Variants in FRMD4A observed in about 807,000 individuals in gnomAD.
FRMD4A encodes the protein FERM domain containing 4A.
Under a neutral mutation model 129.1 loss-of-function variants are expected in FRMD4A, and 29 were observed. The observed-to-expected ratio is 0.22, with a 90% CI of 0.17 to 0.31. FRMD4A has a LOEUF of 0.31. Ranked by LOEUF, FRMD4A falls within the 10% of genes least tolerant of loss-of-function variation. The probability of loss-of-function intolerance (pLI) is 1.00; values close to 1 mark genes in which losing one functional copy is unlikely to be tolerated. For missense variants in FRMD4A, 1,272 were observed against 1,375.8 expected, an observed-to-expected ratio of 0.92 and a Z score of 1.19; for synonymous variants, 634 against 571.6, an observed-to-expected ratio of 1.11 and a Z score of -1.56.
rs1252394781 is a variant in FRMD4A at position 13,821,902 on chromosome 10, C to T, written c.112-10994G>A. Among the ~76,000 whole-genome samples, 1 of 152,210 alleles carries T rather than the reference C, an allele frequency of 6.6e-6. No individual in the cohort carries two copies. Among genetic ancestry groups the T allele is most frequent in the African/African-American group, 2.4e-5 (1 of 41,528 alleles). ...GTTACCAGCATAGGTGAGGTGGCCC[C>T]GAAGTGCCCGCCACACCTCCATCCT... On this transcript the variant is annotated intron_variant, in intron 3 of 24. Transcript: ENST00000357447. The surrounding 1 kb of genome is among the most constrained non-coding windows in gnomAD (Gnocchi z 4.3).
At chr10:14,159,052 C>T (rs10508473) in intron 2 of FRMD4A, among the ~76,000 whole-genome samples, 48,442 of 151,970 alleles carry the variant, frequency 0.32, 8,769 homozygotes, top group East Asian at 0.54. Flanking sequence ...TGGACTGCCA[C>T]TTAACGAGAC....
At position 14,123,255 on chromosome 10, in the gene FRMD4A, C is replaced by A. The variant is rs560710826; in HGVS notation, c.45+206803G>T. 1.1e-4 allele frequency among the ~76,000 whole-genome samples: 17 copies of A among 152,230 alleles called. No individual in the cohort carries two copies. The East Asian group carries it at 2.5e-3, about 22-fold the overall frequency. On this transcript the variant is annotated intron_variant, in intron 2 of 24. Coordinates refer to ENST00000357447, the MANE Select transcript of FRMD4A (RefSeq NM_018027.5). ...TATATTGAGAGGCCGCGAGTTTGAG[C>A]CACTCCTGTTAGTTCGAACCAGTCC...
At chr10:14,168,147 A>G (rs190461296) in intron 2 of FRMD4A, among the ~76,000 whole-genome samples, 14 of 152,322 alleles carry the variant, frequency 9.2e-5, no homozygotes, top group Middle Eastern at 3.4e-3. Context: ...TGAAAAACCT[A>G]GAAGTCCAGA....
intron 2 of FRMD4A, among the ~76,000 whole-genome samples, chr10:14,227,937 G>C (rs1236377263): frequency 6.6e-6 from 1 of 151,868 alleles, no homozygotes; most frequent in African/African-American, 2.4e-5. Flanking sequence ...GCAGTGGTGC[G>C]ATCTTGGCTC....
chr10:13,868,872 C>G, intron 2 of FRMD4A, among the ~76,000 whole-genome samples: 1 of 152,290 alleles, frequency 6.6e-6, no homozygotes, highest in South Asian at 2.1e-4. Context: ...GCAGCTTATA[C>G]ACCAGATGGA....
chr10:13,731,425 GA>G (rs2090315890), intron 12 of FRMD4A, among the ~76,000 whole-genome samples: 1 of 152,184 alleles, frequency 6.6e-6, no homozygotes, highest in Non-Finnish European at 1.5e-5. Flanking sequence ...AAGGTGGGGG[GA>G]TCCCCTGAGG....
intron 2 of FRMD4A, among the ~76,000 whole-genome samples, chr10:13,874,973 T>C (rs1027562277): frequency 1.3e-5 from 2 of 151,606 alleles, no homozygotes; most frequent in African/African-American, 2.4e-5. Context: ...TAAGATGCTA[T>C]GGGATGGGGA....
At chr10:13,924,925 G>A (rs777333991) in intron 2 of FRMD4A, among the ~76,000 whole-genome samples, 2 of 151,916 alleles carry the variant, frequency 1.3e-5, no homozygotes, top group Admixed American at 6.6e-5. Flanking sequence ...TTAGCTAGGC[G>A]TGGTGGCGGG....
chr10:14,185,442 A>G (rs1174620291), intron 2 of FRMD4A, among the ~76,000 whole-genome samples: 2 of 152,242 alleles, frequency 1.3e-5, no homozygotes, highest in African/African-American at 4.8e-5. Context: ...ACAGATGAGG[A>G]TGTCGTGGCA....
chr10:13,674,781 A>T lies in FRMD4A; in HGVS notation c.1251+130T>A, dbSNP rs776938864. Reference sequence around the variant, plus strand: ...CCAGATAGGCCCTCTTTTTATCACTACCCTTGCCTTCTGTCAAAACGATCA... The same window carrying T: ...CCAGATAGGCCCTCTTTTTATCACTTCCCTTGCCTTCTGTCAAAACGATCA... On this transcript the variant is annotated intron_variant, in intron 16 of 24. Coordinates refer to ENST00000357447, the MANE Select transcript of FRMD4A (RefSeq NM_018027.5). The T allele has an allele frequency of 7.0e-5, 72 of 1,024,844 alleles. 2 individuals are homozygous for T. In the Middle Eastern group the frequency reaches 4.9e-3, roughly 69 times the overall value. 63.5% of individuals were successfully genotyped at this position (1,024,844 alleles called of 1,614,324 possible).
intron 2 of FRMD4A, among the ~76,000 whole-genome samples, chr10:14,174,621 T>C (rs12254929): frequency 0.01 from 1,597 of 152,284 alleles, 26 homozygotes; most frequent in African/African-American, 0.037. Flanking sequence ...TGGATCTAGT[T>C]GACACCATTA....
At chr10:14,007,771 C>T (rs2095667285) in intron 2 of FRMD4A, among the ~76,000 whole-genome samples, 1 of 152,170 alleles carries the variant, frequency 6.6e-6, no homozygotes, top group South Asian at 2.1e-4. Flanking sequence ...TCAAATCTTT[C>T]AAACCCATTC....
intron 2 of FRMD4A, among the ~76,000 whole-genome samples, chr10:14,062,796 G>A (rs140942064): frequency 6.6e-6 from 1 of 152,294 alleles, no homozygotes; most frequent in East Asian, 1.9e-4. Flanking sequence ...AGGCACAGTG[G>A]CTCACGTGTG....
rs368183664 is a variant in FRMD4A at position 14,137,600 on chromosome 10, T to C, written c.45+192458A>G. 2.6e-5 allele frequency among the ~76,000 whole-genome samples: 4 copies of C among 152,182 alleles called. No individual in the cohort carries two copies. The East Asian group carries it at 7.7e-4, about 29-fold the overall frequency. ...AGAAGGTAGAGAGGCATGATGAAAA[T>C]TCATGCTACGTAGCCCAGGAAAACC... is the stretch of plus-strand genomic sequence containing the variant. On this transcript the variant is annotated intron_variant, in intron 2 of 24. Transcript: ENST00000357447.
intron 15 of FRMD4A, among the ~76,000 whole-genome samples, chr10:13,679,460 A>AATATATATAT (rs1564591075): frequency 3.6e-4 from 10 of 27,516 alleles, no homozygotes; most frequent in African/African-American, 1.9e-3. Context: ...AAAAAAAAAA[A>AATATATATAT]ATATATATAT....
intron 2 of FRMD4A, among the ~76,000 whole-genome samples, chr10:14,046,256 T>C (rs1833987943): frequency 6.6e-6 from 1 of 152,180 alleles, no homozygotes; most frequent in African/African-American, 2.4e-5. Flanking sequence ...CAAGTACTTA[T>C]TTAAAACACA....
chr10:14,029,690 T>C (rs1362578273), intron 2 of FRMD4A, among the ~76,000 whole-genome samples: 1 of 152,110 alleles, frequency 6.6e-6, no homozygotes, highest in Non-Finnish European at 1.5e-5. Context: ...CATGCCTGGG[T>C]CAGTAAACCT....
chr10:14,293,483 T>C (rs143725174), intron 2 of FRMD4A, among the ~76,000 whole-genome samples: 1 of 152,140 alleles, frequency 6.6e-6, no homozygotes, highest in East Asian at 1.9e-4. Context: ...TACAAAAGAG[T>C]AAATGCAAAT....
chr10:14,033,567 T>C (rs1588832509), intron 2 of FRMD4A, among the ~76,000 whole-genome samples: 2 of 151,806 alleles, frequency 1.3e-5, no homozygotes, highest in Non-Finnish European at 2.9e-5. Context: ...AGTGGATCAC[T>C]TGAGCTCAGA....
Sources: gnomAD v4.1 joint callset for allele counts (sites outside exome capture counted in the v4.1 genomes callset) on GRCh38, gnomAD v4.1.1 for gene constraint, Gnocchi (gnomAD v3.1) non-coding constraint, MANE v1.5 for transcripts, NCBI Gene and HGNC (gene_info 2026-07-23, HGNC 2026-07-21) for gene names.